RGS6: variants seen among roughly 807,000 people sequenced by gnomAD.
RGS6 encodes regulator of G protein signaling 6, also known as regulator of G-protein signaling 6.
In RGS6, 30 loss-of-function variants were observed where a neutral mutation model predicts 78.5. That is an observed-to-expected ratio of 0.38 (90% CI 0.29 to 0.52). RGS6 has a LOEUF of 0.52. Among genes scored for constraint, RGS6 ranks in the 20% least tolerant of loss-of-function variants. The probability of loss-of-function intolerance (pLI) is 0.85; values close to 1 mark genes in which losing one functional copy is unlikely to be tolerated. For missense variants in RGS6, 495 were observed against 609.7 expected (o/e 0.81, Z 1.98); for synonymous variants, 206 against 206.0 (o/e 1.00, Z 0.00).
Position 72,478,312 on chromosome 14 carries a change from G to A in RGS6, c.837G>A (p.Met279Ile), listed in dbSNP as rs745894804. ...AGATCGACAGACATTGTTTGAAAAT[G>A]TCCAAAGTGGCTGAAAGGTATGTTT... The part of the protein sequence containing the change: ...NAQIDRHCLK[M>I]SKVAESLIAY... Residue 279 changes from methionine to isoleucine, a missense_variant, in exon 12 of 18, where the codon ATG (methionine) becomes ATA (isoleucine). Coordinates refer to ENST00000553525, the MANE Select transcript of RGS6 (RefSeq NM_001204424.2). 45 of 1,610,516 alleles carry A rather than the reference G, an allele frequency of 2.8e-5. No homozygotes were observed. Among genetic ancestry groups the A allele is most frequent in the Non-Finnish European group, 3.7e-5 (44 of 1,177,058 alleles).
chr14:72,207,163 T>C (rs938035255), intron 2 of RGS6, among the ~76,000 whole-genome samples: 3 of 152,354 alleles, frequency 2.0e-5, no homozygotes, highest in South Asian at 4.1e-4. Flanking sequence ...ACTATTAATC[T>C]TCCATACCTT....
At chr14:72,370,208 A>G (rs1464598630) in intron 3 of RGS6, among the ~76,000 whole-genome samples, 1 of 151,996 alleles carries the variant, frequency 6.6e-6, no homozygotes, top group Non-Finnish European at 1.5e-5. Context: ...ATAAAGAGTT[A>G]CTGGGCCAAG....
At chr14:72,332,321 G>T (rs1345412134) in intron 2 of RGS6, among the ~76,000 whole-genome samples, 2 of 152,238 alleles carry the variant, frequency 1.3e-5, no homozygotes, top group Non-Finnish European at 2.9e-5. Context: ...CGGTAGGTTT[G>T]CCTGCATGCT....
chr14:72,227,132 G>T (rs745425090), intron 2 of RGS6, among the ~76,000 whole-genome samples: 5 of 152,204 alleles, frequency 3.3e-5, no homozygotes, highest in Non-Finnish European at 5.9e-5. Flanking sequence ...TGAAGATGTT[G>T]TATGTGCATT....
chr14:72,411,898 T>G (rs2153057156), intron 3 of RGS6, among the ~76,000 whole-genome samples: 1 of 152,332 alleles, frequency 6.6e-6, no homozygotes, highest in Admixed American at 6.5e-5. Context: ...GAACCAGCCT[T>G]GCCTCCCAGG....
At chr14:71,972,871 G>A (rs1335347086) in intron 2 of RGS6, among the ~76,000 whole-genome samples, 1 of 152,026 alleles carries the variant, frequency 6.6e-6, no homozygotes, top group East Asian at 1.9e-4. Context: ...GAGGAATGAG[G>A]AGTCTTTTCC....
In RGS6 at chr14:72,472,964, G is replaced by A. The variant is rs201925227; in HGVS notation, c.618+11G>A. On this transcript the variant is annotated intron_variant, in intron 9 of 17. Coordinates refer to ENST00000553525, the MANE Select transcript of RGS6 (RefSeq NM_001204424.2). Reference sequence around the variant, plus strand: ...GTCCACAGGCCTGTGGTGAGAAAGCGCTACTCAATTCTCTAGATTTTTTTT... The same window carrying A: ...GTCCACAGGCCTGTGGTGAGAAAGCACTACTCAATTCTCTAGATTTTTTTT... 4.0e-4 allele frequency: 624 copies of A among 1,572,482 alleles called. 3 individuals are homozygous for A. Among genetic ancestry groups the A allele is most frequent in the Admixed American group, 1.1e-3 (54 of 51,220 alleles).
At chr14:72,046,018 G>A (rs146377498) in intron 2 of RGS6, among the ~76,000 whole-genome samples, 163 of 152,180 alleles carry the variant, frequency 1.1e-3, no homozygotes, top group Middle Eastern at 6.8e-3. Context: ...AAGTTTGGTC[G>A]TAGTGAAGTC....
chr14:72,001,495 C>G (rs1022368339), intron 2 of RGS6, among the ~76,000 whole-genome samples: 1 of 148,102 alleles, frequency 6.8e-6, no homozygotes, highest in Non-Finnish European at 1.5e-5. Context: ...CACACACACA[C>G]ACACACACAC....
intron 2 of RGS6, among the ~76,000 whole-genome samples, chr14:72,233,422 A>G (rs143963837): frequency 1.3e-5 from 2 of 152,316 alleles, no homozygotes; most frequent in Non-Finnish European, 2.9e-5. Context: ...GCATGGCTCA[A>G]GTGGGTAAAT....
Position 72,241,238 on chromosome 14 carries a change from T to C in RGS6, c.85-110857T>C, listed in dbSNP as rs189557434. ...AAAAGAAAAAAAGCCTGGCATTTTG[T>C]GTATAAAAAATCAGAGCTCAAGTAA... On this transcript the variant is annotated intron_variant, in intron 2 of 17. Coordinates refer to ENST00000553525, the MANE Select transcript of RGS6 (RefSeq NM_001204424.2). Among the ~76,000 whole-genome samples, 80 of 152,134 alleles carry C rather than the reference T, an allele frequency of 5.3e-4. 1 individual carries two copies. The highest frequency in any genetic ancestry group is 9.0e-4 in the Non-Finnish European group (61 of 68,002).
chr14:72,112,774 T>C (rs2095797543), intron 2 of RGS6, among the ~76,000 whole-genome samples: 2 of 152,136 alleles, frequency 1.3e-5, no homozygotes, highest in African/African-American at 2.4e-5. Context: ...CTAACCCAGA[T>C]TGATGTGATT....
intron 3 of RGS6, among the ~76,000 whole-genome samples, chr14:72,353,854 C>T (rs1021130474): frequency 7.2e-5 from 11 of 151,948 alleles, no homozygotes; most frequent in East Asian, 1.9e-4. Flanking sequence ...CGTAGTGGTG[C>T]GTGCCTGTAG....
chr14:72,223,699 T>C (rs2047419809), intron 2 of RGS6, among the ~76,000 whole-genome samples: 1 of 152,246 alleles, frequency 6.6e-6, no homozygotes, highest in African/African-American at 2.4e-5. Context: ...AGAAGTGGTT[T>C]ACCCAGAGAT....
chr14:72,285,613 AACATTTT>A (rs895949447), intron 2 of RGS6, among the ~76,000 whole-genome samples: 1 of 152,204 alleles, frequency 6.6e-6, no homozygotes, highest in African/African-American at 2.4e-5. Context: ...TAGCAGCTAC[AACATTTT>A]ACATTTTACA....
At chr14:72,180,546 A>G (rs1029211608) in intron 2 of RGS6, among the ~76,000 whole-genome samples, 11 of 152,238 alleles carry the variant, frequency 7.2e-5, no homozygotes, top group African/African-American at 2.4e-4. Context: ...ATTCTGTCTC[A>G]GTGATGCTCC....
At chr14:72,326,360 G>C (rs1687836253) in intron 2 of RGS6, among the ~76,000 whole-genome samples, 1 of 152,174 alleles carries the variant, frequency 6.6e-6, no homozygotes. Context: ...AAAGTATACT[G>C]ATAGAGTTTG....
intron 2 of RGS6, among the ~76,000 whole-genome samples, chr14:72,117,955 A>G (rs948161763): frequency 6.6e-6 from 1 of 152,060 alleles, no homozygotes; most frequent in African/African-American, 2.4e-5. Flanking sequence ...GACCCATGAT[A>G]CTCACCTGCA....
At chr14:71,947,494 G>A (rs887391581) in intron 1 of RGS6, among the ~76,000 whole-genome samples, 22 of 152,070 alleles carry the variant, frequency 1.4e-4, no homozygotes, top group African/African-American at 5.3e-4. Flanking sequence ...CTTTTTTGTT[G>A]TTGTTTTCGA....
Sources: gnomAD v4.1 joint callset for allele counts (sites outside exome capture counted in the v4.1 genomes callset) on GRCh38, gnomAD v4.1.1 for gene constraint, MANE v1.5 for transcripts, NCBI Gene and HGNC (gene_info 2026-07-23, HGNC 2026-07-21) for gene names.